CUX1: variants seen among roughly 807,000 people sequenced by gnomAD.
CUX1 encodes the protein protein CASP.
Under a neutral mutation model 158.8 loss-of-function variants are expected in CUX1, and 31 were observed. The observed-to-expected ratio is 0.20, with a 90% CI of 0.15 to 0.26. CUX1 has a LOEUF of 0.26. Ranked by LOEUF, CUX1 falls within the 10% of genes least tolerant of loss-of-function variation. The probability of loss-of-function intolerance (pLI) is 1.00; values close to 1 mark genes in which losing one functional copy is unlikely to be tolerated. For synonymous variants in CUX1, 879 were observed against 862.1 expected (o/e 1.02, Z -0.34); for missense variants, 1,589 against 2,014.6 (o/e 0.79, Z 4.04).
intron 13 of CUX1, among the ~76,000 whole-genome samples, chr7:102,195,236 G>T (rs1455479934): frequency 2.1e-5 from 3 of 140,780 alleles, no homozygotes; most frequent in African/African-American, 8.0e-5. Flanking sequence ...TTTGAGAACA[G>T]ATGAGAGAAT....
chr7:101,895,304 T>G (rs1167092315), intron 1 of CUX1, among the ~76,000 whole-genome samples: 1 of 152,126 alleles, frequency 6.6e-6, no homozygotes, highest in East Asian at 1.9e-4. Context: ...TCCTAGAGTT[T>G]TGTAGCTCCT....
intron 16 of CUX1, among the ~76,000 whole-genome samples, chr7:102,199,086 G>T (rs576960850): frequency 5.8e-4 from 88 of 152,276 alleles, no homozygotes; most frequent in Middle Eastern, 3.4e-3. Flanking sequence ...GTGAGAAGAG[G>T]CATTGCTAAG....
chr7:102,033,534 A>T (rs1821042374), intron 3 of CUX1, among the ~76,000 whole-genome samples: 1 of 152,224 alleles, frequency 6.6e-6, no homozygotes, highest in African/African-American at 2.4e-5. Context: ...GATTAAAAAG[A>T]TAAAGGGAAT....
chr7:101,920,270 C>T (rs764299778), intron 2 of CUX1, among the ~76,000 whole-genome samples: 3 of 151,866 alleles, frequency 2.0e-5, no homozygotes, highest in Non-Finnish European at 4.4e-5. Flanking sequence ...TACAGGCATG[C>T]GCCACCACAC....
intron 1 of CUX1, among the ~76,000 whole-genome samples, chr7:101,883,121 G>A (rs1266955072): frequency 6.6e-6 from 1 of 152,176 alleles, no homozygotes; most frequent in Non-Finnish European, 1.5e-5. Context: ...AGCCTCCAAA[G>A]GGGATGTTTG....
chr7:101,847,196 T>C (rs1205059990), intron 1 of CUX1, among the ~76,000 whole-genome samples: 1 of 152,178 alleles, frequency 6.6e-6, no homozygotes, highest in Non-Finnish European at 1.5e-5. Context: ...GGTAGTATTT[T>C]CACCAACGCT....
intron 8 of CUX1, among the ~76,000 whole-genome samples, chr7:102,116,812 G>A (rs1252799420): frequency 5.9e-5 from 9 of 152,144 alleles, no homozygotes; most frequent in African/African-American, 1.9e-4. Flanking sequence ...TCTCCCCAGT[G>A]GTGAGCCAGG....
intron 4 of CUX1, among the ~76,000 whole-genome samples, chr7:102,079,683 G>A (rs186076986): frequency 1.2e-4 from 18 of 152,168 alleles, no homozygotes; most frequent in African/African-American, 4.3e-4. Context: ...GGAGACATGC[G>A]GGATCCCTTT....
At chr7:101,831,237 A>G (rs1262984472) in intron 1 of CUX1, among the ~76,000 whole-genome samples, 1 of 151,638 alleles carries the variant, frequency 6.6e-6, no homozygotes, top group Non-Finnish European at 1.5e-5. Flanking sequence ...GCAGCATTCT[A>G]GCATAGGGAT....
chr7:101,821,260 CA>C (rs1026421960), intron 1 of CUX1, among the ~76,000 whole-genome samples: 1 of 151,322 alleles, frequency 6.6e-6, no homozygotes, highest in Admixed American at 6.6e-5. Context: ...CCCCCGCCCC[CA>C]AAAAAATTCT....
At chr7:102,080,567 C>T (rs1432023526) in intron 4 of CUX1, among the ~76,000 whole-genome samples, 1 of 152,214 alleles carries the variant, frequency 6.6e-6, no homozygotes, top group African/African-American at 2.4e-5. Flanking sequence ...GCAGAGCGCA[C>T]TGTGCAAACA....
At chr7:101,832,435 C>T (rs1794140805) in intron 1 of CUX1, among the ~76,000 whole-genome samples, 1 of 152,192 alleles carries the variant, frequency 6.6e-6, no homozygotes, top group African/African-American at 2.4e-5. Flanking sequence ...TCCCCAGCAC[C>T]TGCGGTGCAG....
chr7:101,949,241 C>A (rs1808757479), intron 2 of CUX1, among the ~76,000 whole-genome samples: 1 of 151,874 alleles, frequency 6.6e-6, no homozygotes, highest in Non-Finnish European at 1.5e-5. Context: ...ACGCCATTCT[C>A]CTGCCTCAGC....
chr7:102,067,977 C>T (rs559744341), intron 3 of CUX1, among the ~76,000 whole-genome samples: 17 of 151,926 alleles, frequency 1.1e-4, no homozygotes, highest in Admixed American at 9.2e-4. Context: ...GCTGAGACTG[C>T]GCCACTGCAC....
intron 14 of CUX1, among the ~76,000 whole-genome samples, chr7:102,266,220 A>C (rs1790803158): frequency 8.0e-6 from 1 of 125,348 alleles, no homozygotes; most frequent in South Asian, 2.3e-4. Flanking sequence ...AAAAAAAAAA[A>C]GAGAGAGAGA....
At chr7:102,112,413 T>C (rs1376701447) in intron 7 of CUX1, among the ~76,000 whole-genome samples, 1 of 152,020 alleles carries the variant, frequency 6.6e-6, no homozygotes, top group Non-Finnish European at 1.5e-5. Context: ...GGCTGATTTT[T>C]TGTATTTTTA....
chr7:102,191,829 G>A (rs538561378), intron 12 of CUX1, among the ~76,000 whole-genome samples: 17 of 145,262 alleles, frequency 1.2e-4, no homozygotes, highest in South Asian at 6.8e-4. Context: ...CAACCCCCAC[G>A]TTCACTTCAT....
At chr7:102,196,575 G>T in intron 14 of CUX1, 59 bp from the exon 15 acceptor site, 1 of 1,396,616 alleles carries the variant, frequency 7.2e-7, no homozygotes, top group Non-Finnish European at 9.4e-7. Flanking sequence ...TTTTGGTCTT[G>T]GTTTTTTTTT....
At chr7:102,190,194 C>T (rs1387258842) in intron 12 of CUX1, among the ~76,000 whole-genome samples, 1 of 152,212 alleles carries the variant, frequency 6.6e-6, no homozygotes, top group Non-Finnish European at 1.5e-5. Context: ...ATAAATTCCC[C>T]AAACAGAAAC....
Sources: gnomAD v4.1 joint callset for allele counts (sites outside exome capture counted in the v4.1 genomes callset) on GRCh38, gnomAD v4.1.1 for gene constraint, MANE v1.5 for transcripts, NCBI Gene and HGNC (gene_info 2026-07-23, HGNC 2026-07-21) for gene names.